SVIL: variants seen among roughly 807,000 people sequenced by gnomAD.
SVIL encodes the protein supervillin.
Under a neutral mutation model 240.4 loss-of-function variants are expected in SVIL, and 101 were observed. That is an observed-to-expected ratio of 0.42 (90% confidence interval 0.36 to 0.50). The LOEUF (loss-of-function observed/expected upper bound fraction) is 0.50, where lower values mean the gene tolerates loss of function less well. SVIL is among the 20% of genes least tolerant of loss of function. The probability of loss-of-function intolerance (pLI) is 0.01; values close to 1 mark genes in which losing one functional copy is unlikely to be tolerated. For missense variants in SVIL, 2,512 were observed against 2,818.7 expected (o/e 0.89, Z 2.46); for synonymous variants, 999 against 1,100.0 (o/e 0.91, Z 1.82).
rs1964823006 is a variant in SVIL at position 29,735,127 on chromosome 10, G to T, written c.-400+624C>A. On this transcript the variant is annotated intron_variant, in intron 1 of 35. Coordinates refer to the SVIL transcript ENST00000375400. This position sits in a 1 kb window ranked among gnomAD's most constrained non-coding sequence, Gnocchi z 4.1. The stretch of plus-strand genomic sequence containing the variant: ...CAGGGACTGCTGGCTGTCACCCGGG[G>T]ACTAAACCACTCCCTTCGGGGAGCC... Among the ~76,000 whole-genome samples, 1 of 151,970 alleles carries T rather than the reference G, an allele frequency of 6.6e-6. No individual in the cohort carries two copies. Among genetic ancestry groups the T allele is most frequent in the Non-Finnish European group, 1.5e-5 (1 of 67,982 alleles).
chr10:29,735,272 C>A lies in SVIL; in HGVS notation c.-400+479G>T, dbSNP rs1158629549. 2.0e-5 allele frequency among the ~76,000 whole-genome samples: 3 copies of A among 152,050 alleles called. No homozygotes were observed. The highest frequency in any genetic ancestry group is 2.0e-4 in the Admixed American group (3 of 15,276). ...ACCCCGGGCTGGGGCGCGGGAGCCA[C>A]CGCAGCTCCGGCCACTTGCGGCTGG... On this transcript the variant is annotated intron_variant, in intron 1 of 35. Transcript: ENST00000375400. This position sits in a 1 kb window ranked among gnomAD's most constrained non-coding sequence, Gnocchi z 4.1.
chr10:29,695,921 GTCTCCC>G lies in SVIL; in HGVS notation c.-399-9276_-399-9271del, dbSNP rs1159014662. Reference sequence around the variant, plus strand: ...TCTCCCGTCTCCCTCTCCCTCTCCCGTCTCCCTCTCCCTCTCCCTCTCCCTCTCCCT... The same window carrying G: ...TCTCCCGTCTCCCTCTCCCTCTCCCGTCTCCCTCTCCCTCTCCCTCTCCCT... On this transcript the variant is annotated intron_variant, in intron 1 of 35. Coordinates refer to the SVIL transcript ENST00000375400. Among the ~76,000 whole-genome samples the G allele has an allele frequency of 4.1e-4, 23 of 56,056 alleles. No homozygotes were observed. In the South Asian group the frequency reaches 5.5e-3, roughly 13 times the overall value. 36.8% of individuals were successfully genotyped at this position (56,056 alleles called of 152,430 possible). A position where few individuals can be genotyped will look rare whatever the true frequency, so the allele number is the denominator to read the frequency against.
intron 1 of SVIL, among the ~76,000 whole-genome samples, chr10:29,572,998 A>G (rs1955517329): frequency 1.3e-5 from 2 of 152,142 alleles, no homozygotes; most frequent in South Asian, 4.1e-4. Flanking sequence ...TTATTAAGGA[A>G]TAAGTCTATT....
At chr10:29,504,748 G>T (rs1949142328) in intron 17 of SVIL, among the ~76,000 whole-genome samples, 1 of 152,224 alleles carries the variant, frequency 6.6e-6, no homozygotes, top group East Asian at 1.9e-4. Context: ...AGTGCTGATG[G>T]AAATGCAAAA....
chr10:29,555,464 A>G (rs1589238802), intron 3 of SVIL, among the ~76,000 whole-genome samples: 1 of 152,336 alleles, frequency 6.6e-6, no homozygotes. Context: ...ACTGTTTAAT[A>G]TGAAATATAT....
At chr10:29,557,206 C>T (rs1954013407) in intron 3 of SVIL, among the ~76,000 whole-genome samples, 1 of 152,166 alleles carries the variant, frequency 6.6e-6, no homozygotes, top group Non-Finnish European at 1.5e-5. Context: ...AGTGATCCTC[C>T]CAACTCAGCC....
At chr10:29,535,671 C>G (rs187684786) in intron 7 of SVIL, among the ~76,000 whole-genome samples, 1 of 152,258 alleles carries the variant, frequency 6.6e-6, no homozygotes, top group East Asian at 1.9e-4. Flanking sequence ...CAGGGCCTGG[C>G]TGGGTGCTCA....
In SVIL at chr10:29,533,225, G is replaced by T; in HGVS notation, c.1142C>A (p.Thr381Lys). ...AGATGCATTTTCTGGGGTTTCTGGC[G>T]TCACTAGCTTGGCGGTGTGACCGGT... ...ADTGHTAKLVTPETPENASEC... is the reference protein window; with the variant it reads ...ADTGHTAKLVKPETPENASEC... Residue 381 changes from threonine to lysine, a missense_variant, in exon 8 of 38, where the codon ACG (threonine) becomes AAG (lysine). Thr to Lys is a moderately conservative substitution (Grantham distance 78, BLOSUM62 -1). Coordinates refer to ENST00000355867, the MANE Select transcript of SVIL (RefSeq NM_021738.3). 3 of 1,614,086 alleles carry T rather than the reference G, an allele frequency of 1.9e-6. No homozygotes were observed. Among genetic ancestry groups the T allele is most frequent in the Non-Finnish European group, 2.5e-6 (3 of 1,180,018 alleles).
rs930678047 is a variant in SVIL, at chr10:29,735,463, T to C, written c.-400+288A>G. Among the ~76,000 whole-genome samples the C allele has an allele frequency of 2.6e-5, 4 of 151,284 alleles. No individual in the cohort carries two copies. Among genetic ancestry groups the C allele is most frequent in the Non-Finnish European group, 5.9e-5 (4 of 67,802 alleles). On this transcript the variant is annotated intron_variant, in intron 1 of 35. Transcript: ENST00000375400. This position sits in a 1 kb window ranked among gnomAD's most constrained non-coding sequence, Gnocchi z 4.1. ...CGGCCCGCTCCTCCCCGAGGCGCGC[T>C]CCGGGGACGGAAGTGGGTGGGAGCC...
intron 1 of SVIL, among the ~76,000 whole-genome samples, chr10:29,730,745 C>T (rs1390846587): frequency 2.6e-5 from 4 of 152,062 alleles, no homozygotes; most frequent in African/African-American, 7.2e-5. Flanking sequence ...CCTAAGATTT[C>T]GAGGAGATTT....
At chr10:29,576,439 T>C (rs1344322009) in intron 1 of SVIL, among the ~76,000 whole-genome samples, 4 of 152,234 alleles carry the variant, frequency 2.6e-5, no homozygotes, top group Admixed American at 6.5e-5. Context: ...CAGGTTGCTA[T>C]GTTTTTACAA....
At chr10:29,666,072 C>A (rs1164022005) in intron 2 of SVIL, among the ~76,000 whole-genome samples, 1 of 152,238 alleles carries the variant, frequency 6.6e-6, no homozygotes, top group Non-Finnish European at 1.5e-5. Flanking sequence ...CACATGCCAT[C>A]ATGCCTGGCT....
rs755303216 is a variant in SVIL, at chr10:29,487,199, C to A, written c.4449G>T (p.Trp1483Cys). 1 of 1,613,994 alleles carries A rather than the reference C, an allele frequency of 6.2e-7. No homozygotes were observed. The highest frequency in any genetic ancestry group is 8.5e-7 in the Non-Finnish European group (1 of 1,179,970). The change falls in exon 24 of 38, where the codon TGG becomes TGT. Residue 1483 changes from tryptophan to cysteine, a missense_variant. Coordinates refer to ENST00000355867, the MANE Select transcript of SVIL (RefSeq NM_021738.3). ...LLLSPHCCFL[W>C]VGEFANVIEK... ...CTATGACGTTTGCAAACTCTCCTAC[C>A]CACAGGAAGCAGCAGTGGGGAGAGA... is the stretch of plus-strand genomic sequence containing the variant.
At chr10:29,719,887 GA>G (rs1963871283) in intron 1 of SVIL, among the ~76,000 whole-genome samples, 1 of 152,168 alleles carries the variant, frequency 6.6e-6, no homozygotes, top group South Asian at 2.1e-4. Context: ...CAGAGGGATA[GA>G]AAATGATATT....
chr10:29,473,208 A>AGT lies in SVIL; in HGVS notation c.5529+628_5529+629dup, dbSNP rs144851466. Among the ~76,000 whole-genome samples, 593 of 152,208 alleles carry AGT rather than the reference A, an allele frequency of 3.9e-3. 3 individuals carry two copies. The highest frequency in any genetic ancestry group is 0.014 in the African/African-American group (569 of 41,530). ...AGCCCTGGGAAGCCGCTTAGACTGC[A>AGT]GTGTGTGTGGCAGACAGTAAGGGAG... On this transcript the variant is annotated intron_variant, in intron 30 of 37. Transcript: ENST00000355867.
chr10:29,592,350 T>A (rs549500310), intron 1 of SVIL, among the ~76,000 whole-genome samples: 2 of 152,340 alleles, frequency 1.3e-5, no homozygotes, highest in African/African-American at 4.8e-5. Context: ...TCCAACATGT[T>A]ACCTATTTCC....
At chr10:29,511,372 C>G (rs974469092) in intron 17 of SVIL, among the ~76,000 whole-genome samples, 1 of 138,728 alleles carries the variant, frequency 7.2e-6, no homozygotes, top group South Asian at 2.3e-4. Flanking sequence ...CTCTGGGACT[C>G]CCAGTTCCTG....
At position 29,497,951 on chromosome 10, in the gene SVIL, G is replaced by A. The variant is rs550034748; in HGVS notation, c.3664+1165C>T. Among the ~76,000 whole-genome samples the A allele has an allele frequency of 5.9e-5, 9 of 151,684 alleles. No individual in the cohort carries two copies. In the South Asian group the frequency reaches 6.2e-4, roughly 11 times the overall value. ...ACAAAAATTAGCTGGGCATGGTGGC[G>A]CGCGCCTGTGATCCCAGCTACTCGG... On this transcript the variant is annotated intron_variant, in intron 18 of 37. Coordinates refer to ENST00000355867, the MANE Select transcript of SVIL (RefSeq NM_021738.3).
At chr10:29,637,734 C>A (rs12258478), upstream of SVIL, among the ~76,000 whole-genome samples, 3,397 of 152,282 alleles carry the variant, frequency 0.022, 136 homozygotes, top group African/African-American at 0.078. Context: ...TCTACCCAAT[C>A]CTCATTGTGG....
Sources: allele counts gnomAD v4.1 joint callset (sites outside exome capture counted in the v4.1 genomes callset), GRCh38; gene constraint gnomAD v4.1.1; non-coding constraint Gnocchi (gnomAD v3.1); transcripts MANE v1.5; gene names NCBI Gene and HGNC (gene_info 2026-07-23, HGNC 2026-07-21).